Variants in PRORP observed in about 807,000 individuals in gnomAD.
The protein encoded by PRORP is protein only RNase P catalytic subunit, also known as mitochondrial ribonuclease P catalytic subunit.
A neutral mutation model predicts 59.4 loss-of-function variants in PRORP; 51 were observed. The ratio of observed to expected loss-of-function variants is 0.86; its 90% CI spans 0.69 to 1.08. The LOEUF (loss-of-function observed/expected upper bound fraction) is 1.08. Among genes scored for constraint, PRORP ranks in the 50% least tolerant of loss-of-function variants. The pLI, the probability that PRORP is intolerant of heterozygous loss-of-function variation, is 0.00. For missense variants in PRORP, 646 were observed against 690.3 expected, an observed-to-expected ratio of 0.94 and a Z score of 0.72; for synonymous variants, 231 against 245.6, an observed-to-expected ratio of 0.94 and a Z score of 0.55.
At chr14:35,226,264 A>G (rs2049931390) in intron 5 of PRORP, among the ~76,000 whole-genome samples, 1 of 152,240 alleles carries the variant, frequency 6.6e-6, no homozygotes, top group Non-Finnish European at 1.5e-5. Flanking sequence ...GACAGATGCA[A>G]AGATGAATAA....
intron 5 of PRORP, among the ~76,000 whole-genome samples, chr14:35,260,015 T>TTTC (rs71121273): frequency 6.9e-6 from 1 of 145,886 alleles, no homozygotes; most frequent in East Asian, 2.0e-4. Flanking sequence ...TTTTTTTTTT[T>TTTC]GGTGGGAGCT....
At chr14:35,233,139 T>C (rs1016770236) in intron 5 of PRORP, among the ~76,000 whole-genome samples, 11 of 137,230 alleles carry the variant, frequency 8.0e-5, no homozygotes, top group African/African-American at 2.7e-4. Flanking sequence ...AAATACTTAT[T>C]GATCATCATA....
intron 4 of PRORP, among the ~76,000 whole-genome samples, chr14:35,150,859 G>A (rs1023769577): frequency 6.6e-6 from 1 of 152,194 alleles, no homozygotes; most frequent in African/African-American, 2.4e-5. Context: ...GTGTGCTAGA[G>A]ACAGAGGGAT....
At chr14:35,213,002 C>T (rs1180854604) in intron 5 of PRORP, among the ~76,000 whole-genome samples, 1 of 152,224 alleles carries the variant, frequency 6.6e-6, no homozygotes, top group Non-Finnish European at 1.5e-5. Context: ...CTTCGTCTTA[C>T]ACTTTTATGT....
At chr14:35,249,085 C>T (rs904831821) in intron 5 of PRORP, among the ~76,000 whole-genome samples, 1 of 152,178 alleles carries the variant, frequency 6.6e-6, no homozygotes, top group Non-Finnish European at 1.5e-5. Context: ...TTCTCTCAGT[C>T]TGTGGGAAAT....
intron 5 of PRORP, chr14:35,218,941 G>A (rs1054808851): frequency 6.6e-6 from 1 of 152,172 alleles, no homozygotes. Flanking sequence ...CATTTTCATA[G>A]AAGCTACACT....
chr14:35,262,795 A>C lies in PRORP; in HGVS notation c.1276-3932A>C, dbSNP rs908845398. Reference sequence around the variant, plus strand: ...ATCCAGGAGAATGGGTCTCTTGTTGAAATCTGAAATTTCTTGGGTGAAAAA... The same window carrying C: ...ATCCAGGAGAATGGGTCTCTTGTTGCAATCTGAAATTTCTTGGGTGAAAAA... On this transcript the variant is annotated intron_variant, in intron 5 of 7. Transcript: ENST00000534898. 5 of 1,338,572 alleles carry C rather than the reference A, an allele frequency of 3.7e-6. No homozygotes were observed. In the African/African-American group the frequency reaches 7.1e-5, roughly 19 times the overall value. 82.9% of individuals were successfully genotyped at this position (1,338,572 alleles called of 1,614,324 possible).
At chr14:35,192,778 G>A (rs1379101463) in intron 5 of PRORP, among the ~76,000 whole-genome samples, 2 of 152,020 alleles carry the variant, frequency 1.3e-5, no homozygotes, top group Non-Finnish European at 2.9e-5. Flanking sequence ...TGGATCACCT[G>A]AGGTCAGGCG....
intron 4 of PRORP, among the ~76,000 whole-genome samples, chr14:35,160,562 T>C (rs902951037): frequency 3.9e-5 from 6 of 152,190 alleles, no homozygotes; most frequent in Admixed American, 6.5e-5. Flanking sequence ...GTATAGATGG[T>C]AGTAAATTCT....
intron 5 of PRORP, among the ~76,000 whole-genome samples, chr14:35,256,306 A>G (rs1466838275): frequency 1.4e-5 from 2 of 141,460 alleles, no homozygotes; most frequent in Non-Finnish European, 1.5e-5. Context: ...AAAAAAAAAG[A>G]AAAAAGAAAT....
chr14:35,125,210 A>C (rs914468724), intron 2 of PRORP, among the ~76,000 whole-genome samples: 1 of 152,032 alleles, frequency 6.6e-6, no homozygotes, highest in East Asian at 1.9e-4. Context: ...TAGAGTGGAC[A>C]GGGGGATATT....
At chr14:35,234,805 A>C (rs1207907699) in intron 5 of PRORP, among the ~76,000 whole-genome samples, 2 of 151,584 alleles carry the variant, frequency 1.3e-5, no homozygotes, top group South Asian at 4.2e-4. Context: ...CAGCTCCCAG[A>C]GTAGCTGAGA....
At chr14:35,196,243 G>C (rs538696375) in intron 5 of PRORP, among the ~76,000 whole-genome samples, 4 of 152,346 alleles carry the variant, frequency 2.6e-5, no homozygotes, top group African/African-American at 7.2e-5. Flanking sequence ...GGGAGGCCGA[G>C]GTGGGAGGAC....
chr14:35,148,495 G>A (rs533715588), intron 4 of PRORP, among the ~76,000 whole-genome samples: 153 of 152,262 alleles, frequency 1.0e-3, no homozygotes, highest in African/African-American at 3.6e-3. Flanking sequence ...TGTGCTGTTA[G>A]CCAGGCTTTG....
At chr14:35,178,865 G>A (rs1373420401) in intron 4 of PRORP, among the ~76,000 whole-genome samples, 2 of 152,188 alleles carry the variant, frequency 1.3e-5, no homozygotes, top group Non-Finnish European at 2.9e-5. Flanking sequence ...GCATGTTTTT[G>A]CAGTGGCTGG....
intron 5 of PRORP, among the ~76,000 whole-genome samples, chr14:35,206,228 CTGG>C (rs2049290513): frequency 6.6e-6 from 1 of 152,126 alleles, no homozygotes; most frequent in African/African-American, 2.4e-5. Context: ...TCTAGTCTTT[CTGG>C]TGAAGAAGGT....
intron 6 of PRORP, 68 bp from the exon 7 acceptor site, chr14:35,270,333 C>T (rs777440729): frequency 1.2e-4 from 175 of 1,448,422 alleles, no homozygotes; most frequent in Admixed American, 5.7e-4. Flanking sequence ...GTAAAAAGTA[C>T]GGTGAAAAAC....
At chr14:35,224,790 C>T (rs1399188108) in intron 5 of PRORP, among the ~76,000 whole-genome samples, 1 of 152,198 alleles carries the variant, frequency 6.6e-6, no homozygotes, top group African/African-American at 2.4e-5. Context: ...GTTCCTTCCA[C>T]ATTATTATTG....
chr14:35,234,827 C>T (rs2050167777), intron 5 of PRORP, among the ~76,000 whole-genome samples: 1 of 151,748 alleles, frequency 6.6e-6, no homozygotes, highest in Admixed American at 6.6e-5. Flanking sequence ...TGCAAGCACA[C>T]ACCACCATGC....
Sources: gnomAD v4.1 joint callset for allele counts (sites outside exome capture counted in the v4.1 genomes callset) on GRCh38, gnomAD v4.1.1 for gene constraint, MANE v1.5 for transcripts, NCBI Gene and HGNC (gene_info 2026-07-23, HGNC 2026-07-21) for gene names.